The following REDIC1 variants were observed in gnomAD, a reference collection of about 807,000 sequenced individuals.
The protein encoded by REDIC1 is regulator of DNA class I crossover intermediates 1.
the REDIC1 span, among the ~76,000 whole-genome samples, chr12:39,715,463 G>C: frequency 1.3e-5 from 2 of 151,958 alleles, no homozygotes; most frequent in East Asian, 3.9e-4. Flanking sequence ...CATGCTCATG[G>C]ATGGGTAGAA....
At chr12:39,705,097 AAAATAAAT>A in the REDIC1 span, among the ~76,000 whole-genome samples, 8 of 151,636 alleles carry the variant, frequency 5.3e-5, no homozygotes, top group African/African-American at 1.9e-4. Context: ...TTAAATTAAA[AAAATAAAT>A]AAATAAAATC....
the REDIC1 span, among the ~76,000 whole-genome samples, chr12:39,811,058 G>A: frequency 2.6e-5 from 4 of 152,046 alleles, no homozygotes; most frequent in Non-Finnish European, 4.4e-5. Context: ...TCTTTGTGGG[G>A]AGATTTTTAA....
chr12:39,901,355 C>T, the REDIC1 span, among the ~76,000 whole-genome samples: 1 of 151,286 alleles, frequency 6.6e-6, no homozygotes, highest in Non-Finnish European at 1.5e-5. Context: ...TCTAATTAAA[C>T]TAAAGAGCTT....
the REDIC1 span, among the ~76,000 whole-genome samples, chr12:39,678,963 C>T: frequency 0.02 from 3,072 of 152,126 alleles, 42 homozygotes; most frequent in Non-Finnish European, 0.028. Context: ...ATAATAAAAG[C>T]CATCTATGAC....
chr12:39,694,926 G>A, the REDIC1 span, among the ~76,000 whole-genome samples: 2 of 152,132 alleles, frequency 1.3e-5, no homozygotes, highest in Non-Finnish European at 2.9e-5. Flanking sequence ...AGTAAGATAG[G>A]GCACTGGTCA....
chr12:39,696,500 G>A, the REDIC1 span, among the ~76,000 whole-genome samples: 12 of 109,718 alleles, frequency 1.1e-4, no homozygotes, highest in Admixed American at 6.7e-4. Context: ...CCGAGATCCC[G>A]CCACTGCACT....
At chr12:39,696,308 C>A in the REDIC1 span, among the ~76,000 whole-genome samples, 144 of 151,404 alleles carry the variant, frequency 9.5e-4, 2 homozygotes, top group Admixed American at 3.4e-3. Context: ...CTTTGGGAGG[C>A]CGAGGCGGGC....
the REDIC1 span, among the ~76,000 whole-genome samples, chr12:39,850,318 C>T: frequency 0.02 from 3,011 of 152,116 alleles, 105 homozygotes; most frequent in African/African-American, 0.068. Flanking sequence ...AGGCAGCCTC[C>T]GGATATTAAA....
At chr12:39,642,637 A>G in the REDIC1 span, among the ~76,000 whole-genome samples, 2 of 151,826 alleles carry the variant, frequency 1.3e-5, no homozygotes, top group East Asian at 1.9e-4. Context: ...AAGATCTAGC[A>G]TTGACTGAGT....
chr12:39,893,537 T>C, the REDIC1 span, among the ~76,000 whole-genome samples: 2 of 152,192 alleles, frequency 1.3e-5, no homozygotes, highest in Non-Finnish European at 2.9e-5. Context: ...TGACCTCAGG[T>C]GATCTGCCCG....
At chr12:39,735,418 T>A in the REDIC1 span, among the ~76,000 whole-genome samples, 1 of 152,126 alleles carries the variant, frequency 6.6e-6, no homozygotes, top group Non-Finnish European at 1.5e-5. Flanking sequence ...AAAATAGGAA[T>A]AGAAAATGAT....
At chr12:39,780,713 AAGG>A in the REDIC1 span, among the ~76,000 whole-genome samples, 3 of 152,208 alleles carry the variant, frequency 2.0e-5, no homozygotes, top group Admixed American at 2.0e-4. Flanking sequence ...AATGTATTAC[AAGG>A]AGAACAGTCA....
chr12:39,764,688 A>G, the REDIC1 span: 2 of 1,593,558 alleles, frequency 1.3e-6, no homozygotes, highest in Non-Finnish European at 8.5e-7. Context: ...ATCTACTCCA[A>G]AAAGAGGCAA....
the REDIC1 span, among the ~76,000 whole-genome samples, chr12:39,666,899 G>T: frequency 2.0e-5 from 3 of 152,144 alleles, no homozygotes; most frequent in Non-Finnish European, 2.9e-5. Context: ...ATTTCTGTGG[G>T]ATTGGTAGTG....
chr12:39,709,911 G>T, the REDIC1 span, among the ~76,000 whole-genome samples: 1 of 151,648 alleles, frequency 6.6e-6, no homozygotes, highest in African/African-American at 2.4e-5. Flanking sequence ...ATTTTCTGTA[G>T]TTGCTGCACC....
the REDIC1 span, chr12:39,692,128 TAA>T: frequency 1.3e-6 from 2 of 1,514,726 alleles, no homozygotes; most frequent in Non-Finnish European, 1.8e-6. Flanking sequence ...TATAACTGTA[TAA>T]GTTAATTTTA....
At chr12:39,777,112 C>G in the REDIC1 span, among the ~76,000 whole-genome samples, 1 of 152,126 alleles carries the variant, frequency 6.6e-6, no homozygotes, top group Non-Finnish European at 1.5e-5. Context: ...CCTTGTCACT[C>G]AAGAAAAAAC....
the REDIC1 span, among the ~76,000 whole-genome samples, chr12:39,772,703 G>C: frequency 9.2e-5 from 14 of 152,170 alleles, no homozygotes; most frequent in African/African-American, 3.1e-4. Context: ...AAGATTCACT[G>C]AACAATTTTC....
chr12:39,825,808 C>T, the REDIC1 span, among the ~76,000 whole-genome samples: 2 of 151,984 alleles, frequency 1.3e-5, no homozygotes, highest in Admixed American at 6.6e-5. Context: ...TTGCACTTCC[C>T]ATCCTCTGCT....
Sources: allele counts gnomAD v4.1 joint callset (sites outside exome capture counted in the v4.1 genomes callset), GRCh38; gene constraint gnomAD v4.1.1; transcripts MANE v1.5; gene names NCBI Gene and HGNC (gene_info 2026-07-23, HGNC 2026-07-21).